MTMR12: variants seen among roughly 807,000 people sequenced by gnomAD.
MTMR12 encodes the protein myotubularin related protein 12.
A neutral mutation model predicts 96.7 loss-of-function variants in MTMR12; 33 were observed. The observed-to-expected ratio is 0.34, with a 90% CI of 0.26 to 0.46. The LOEUF (loss-of-function observed/expected upper bound fraction) is 0.46, where lower values mean the gene tolerates loss of function less well. MTMR12 is among the 20% of genes least tolerant of loss of function. The pLI is 1.00. For missense variants in MTMR12, 721 were observed against 896.1 expected (o/e 0.80, Z 2.49); for synonymous variants, 298 against 327.2 (o/e 0.91, Z 0.96).
chr5:32,262,557 C>CA (rs1223190662), intron 7 of MTMR12, among the ~76,000 whole-genome samples: 1 of 152,122 alleles, frequency 6.6e-6, no homozygotes, highest in Non-Finnish European at 1.5e-5. Context: ...GAGATGGCAC[C>CA]ACTGCACTCC....
At chr5:32,261,105 C>T (rs574853980) in intron 7 of MTMR12, among the ~76,000 whole-genome samples, 27 of 151,456 alleles carry the variant, frequency 1.8e-4, no homozygotes, top group African/African-American at 5.3e-4. Context: ...TGGTGGCAGG[C>T]GCCTGTAATC....
At position 32,312,842 on chromosome 5, in the gene MTMR12, G is replaced by A. The variant is rs1164355329; in HGVS notation, c.-4C>T. 7 of 1,523,846 alleles carry A rather than the reference G, an allele frequency of 4.6e-6. No homozygotes were observed. The highest frequency in any genetic ancestry group is 5.3e-6 in the Non-Finnish European group (6 of 1,139,550). 94.4% of individuals were successfully genotyped at this position (1,523,846 alleles called of 1,614,324 possible). On this transcript the variant is annotated 5_prime_UTR_variant, in exon 1 of 16. Transcript: ENST00000382142. This position sits in a 1 kb window ranked among gnomAD's most constrained non-coding sequence, Gnocchi z 5.0. ...CGACTACTCCTTTCCCCAGCATACCGCCGCCCTGGGAAGCAGCGACGCGCG... is the reference window on the plus strand; with the variant it reads ...CGACTACTCCTTTCCCCAGCATACCACCGCCCTGGGAAGCAGCGACGCGCG...
chr5:32,302,134 T>C (rs1751176294), intron 1 of MTMR12, among the ~76,000 whole-genome samples: 1 of 152,178 alleles, frequency 6.6e-6, no homozygotes, highest in African/African-American at 2.4e-5. Context: ...AGGTTTTGCA[T>C]GCCACCTCTG....
chr5:32,271,057 G>T, intron 4 of MTMR12, 110 bp from the exon 5 acceptor site: 1 of 1,274,840 alleles, frequency 7.8e-7, no homozygotes. Flanking sequence ...CCAAGAATGA[G>T]AGGAAAGGTG....
intron 4 of MTMR12, 55 bp from the exon 5 acceptor site, chr5:32,271,002 AATGCT>A: frequency 6.5e-7 from 1 of 1,535,370 alleles, no homozygotes; most frequent in Non-Finnish European, 8.8e-7. Context: ...GCAATAAGTG[AATGCT>A]AAAGAAATGA....
In MTMR12 at chr5:32,233,731, G is replaced by A; in HGVS notation, c.1674+42C>T. On this transcript the variant is annotated intron_variant, in intron 15 of 15. Transcript: ENST00000382142. This position sits in a 1 kb window ranked among gnomAD's most constrained non-coding sequence, Gnocchi z 5.0. ...TACCTTTTATCATTACATGCACGGGGTCTGGGCAGCTGAAGGGGGTTTAGA... is the reference window on the plus strand; with the variant it reads ...TACCTTTTATCATTACATGCACGGGATCTGGGCAGCTGAAGGGGGTTTAGA... The A allele has an allele frequency of 1.2e-6, 2 of 1,613,422 alleles. No homozygotes were observed. The highest frequency in any genetic ancestry group is 1.1e-5 in the South Asian group (1 of 91,044).
intron 7 of MTMR12, among the ~76,000 whole-genome samples, chr5:32,260,375 C>T (rs891744560): frequency 3.3e-5 from 5 of 151,650 alleles, no homozygotes; most frequent in South Asian, 2.1e-4. Context: ...GGGGAGACCA[C>T]GGAGCAGCGA....
intron 6 of MTMR12, among the ~76,000 whole-genome samples, chr5:32,267,982 C>T (rs1300620695): frequency 2.0e-5 from 3 of 152,038 alleles, no homozygotes; most frequent in African/African-American, 2.4e-5. Flanking sequence ...TACAAGCATG[C>T]GCCACCATGC....
At chr5:32,251,917 G>C (rs1320420787) in intron 8 of MTMR12, among the ~76,000 whole-genome samples, 1 of 152,150 alleles carries the variant, frequency 6.6e-6, no homozygotes, top group East Asian at 1.9e-4. Flanking sequence ...GTCGTCACTG[G>C]GAGTCAAGAA....
chr5:32,251,749 C>G (rs867943250), intron 8 of MTMR12, among the ~76,000 whole-genome samples: 1 of 152,062 alleles, frequency 6.6e-6, no homozygotes, highest in African/African-American at 2.4e-5. Flanking sequence ...AGAGGGAAGG[C>G]CCATGGAACG....
intron 1 of MTMR12, among the ~76,000 whole-genome samples, chr5:32,300,371 T>C (rs2963958): frequency 0.3 from 45,957 of 152,020 alleles, 7,087 homozygotes; most frequent in East Asian, 0.42. Flanking sequence ...TGAAGTTACA[T>C]GTCTAAGGTC....
chr5:32,296,054 G>C (rs972169500), intron 1 of MTMR12, among the ~76,000 whole-genome samples: 8 of 152,180 alleles, frequency 5.3e-5, no homozygotes, highest in African/African-American at 1.7e-4. Context: ...AGCTACTAGG[G>C]AGGCTGAGGC....
intron 1 of MTMR12, among the ~76,000 whole-genome samples, chr5:32,301,154 G>C (rs760607784): frequency 1.4e-4 from 22 of 152,336 alleles, no homozygotes; most frequent in Non-Finnish European, 2.8e-4. Context: ...GGGGGCTGCA[G>C]ACAGATGACA....
chr5:32,263,888 T>A (rs1418998854), intron 6 of MTMR12, among the ~76,000 whole-genome samples: 1 of 152,210 alleles, frequency 6.6e-6, no homozygotes, highest in Non-Finnish European at 1.5e-5. Flanking sequence ...AATGCTAAAG[T>A]GACAAAATAT....
At chr5:32,296,645 C>CA (rs1051040814) in intron 1 of MTMR12, among the ~76,000 whole-genome samples, 40 of 149,200 alleles carry the variant, frequency 2.7e-4, no homozygotes, top group African/African-American at 8.9e-4. Context: ...CTGTCCCTAC[C>CA]AAAAAAAAAC....
chr5:32,238,810 T>A (rs919439918), intron 13 of MTMR12, among the ~76,000 whole-genome samples, 191 bp downstream of exon 13: 2 of 152,194 alleles, frequency 1.3e-5, no homozygotes, highest in African/African-American at 4.8e-5. Context: ...ATCTCTTTCC[T>A]CTGGGAAAGG....
At chr5:32,243,805 T>C (rs1748569425) in intron 10 of MTMR12, among the ~76,000 whole-genome samples, 1 of 152,152 alleles carries the variant, frequency 6.6e-6, no homozygotes, top group Admixed American at 6.5e-5. Flanking sequence ...TAGAAGATTG[T>C]GGTGGTCAAA....
intron 13 of MTMR12, among the ~76,000 whole-genome samples, chr5:32,238,059 G>C (rs1748306821): frequency 7.1e-6 from 1 of 141,376 alleles, no homozygotes; most frequent in African/African-American, 2.6e-5. Flanking sequence ...CAGGAGATAA[G>C]CTTAAACCCA....
At position 32,233,612 on chromosome 5, in the gene MTMR12, G is replaced by A. The variant is rs1490005705; in HGVS notation, c.1674+161C>T. On this transcript the variant is annotated intron_variant, in intron 15 of 15. Transcript: ENST00000382142. The surrounding 1 kb of genome is among the most constrained non-coding windows in gnomAD (Gnocchi z 5.0). ...CAAAGGTGATTTGCTGAAAGCAAAG[G>A]ATTCTAATGGCCCTTGACAATTTGA... Among the ~76,000 whole-genome samples, 1 of 152,196 alleles carries A rather than the reference G, an allele frequency of 6.6e-6. No individual in the cohort carries two copies. Among genetic ancestry groups the A allele is most frequent in the East Asian group, 1.9e-4 (1 of 5,192 alleles).
Sources: allele counts gnomAD v4.1 joint callset (sites outside exome capture counted in the v4.1 genomes callset), GRCh38; gene constraint gnomAD v4.1.1; non-coding constraint Gnocchi (gnomAD v3.1); transcripts MANE v1.5; gene names NCBI Gene and HGNC (gene_info 2026-07-23, HGNC 2026-07-21).